SVIL: variants seen among roughly 807,000 people sequenced by gnomAD.
SVIL encodes archvillin.
SVIL carries 101 observed loss-of-function variants against 240.4 expected under a neutral mutation model. That is an observed-to-expected ratio of 0.42 (90% CI 0.36 to 0.50). The LOEUF (loss-of-function observed/expected upper bound fraction) is 0.50. SVIL is among the 20% of genes least tolerant of loss of function. The pLI is 0.01. For missense variants in SVIL, 2,512 were observed against 2,818.7 expected (o/e 0.89, Z 2.46); for synonymous variants, 999 against 1,100.0 (o/e 0.91, Z 1.82).
intron 1 of SVIL, among the ~76,000 whole-genome samples, chr10:29,587,410 A>G (rs1026868895): frequency 7.9e-5 from 12 of 152,226 alleles, no homozygotes; most frequent in Non-Finnish European, 2.9e-5. Context: ...GGTGGCTTAC[A>G]GGTCACCACT....
Position 29,648,086 on chromosome 10 carries a change from A to G in SVIL, c.-201+9883T>C, listed in dbSNP as rs143052587. Among the ~76,000 whole-genome samples, 280 of 151,486 alleles carry G rather than the reference A, an allele frequency of 1.8e-3. 2 individuals carry two copies. Among genetic ancestry groups the G allele is most frequent in the African/African-American group, 6.4e-3 (265 of 41,328 alleles). ...TAACTAGTTTTCTCAATGCAGCCAC[A>G]TGGAGTTAAGAAAACCCACAAGTCC... On this transcript the variant is annotated intron_variant, in intron 3 of 35. Transcript: ENST00000375400.
intron 16 of SVIL, among the ~76,000 whole-genome samples, chr10:29,518,726 G>T: frequency 6.6e-6 from 1 of 151,854 alleles, no homozygotes; most frequent in Non-Finnish European, 1.5e-5. Flanking sequence ...TATGGTGGTG[G>T]GCTCCTGTGA....
chr10:29,618,519 C>T lies in SVIL; in HGVS notation c.-201+15901G>A, dbSNP rs536139436. On this transcript the variant is annotated intron_variant, in intron 1 of 37. Coordinates refer to ENST00000355867, the MANE Select transcript of SVIL (RefSeq NM_021738.3). The stretch of plus-strand genomic sequence containing the variant: ...CTAAGCTCTGCTTCTCACACAGACC[C>T]ACCATGCCTGGCCCAGCCTGGACGC... 2.6e-5 allele frequency among the ~76,000 whole-genome samples: 4 copies of T among 152,292 alleles called. No homozygotes were observed. The East Asian group carries it at 5.8e-4, about 22-fold the overall frequency.
At chr10:29,615,180 A>G (rs1171753506) in intron 1 of SVIL, among the ~76,000 whole-genome samples, 2 of 152,168 alleles carry the variant, frequency 1.3e-5, no homozygotes, top group Non-Finnish European at 2.9e-5. Flanking sequence ...AACAGACCAA[A>G]CAATTGCTAT....
chr10:29,617,644 A>T (rs191239216), intron 1 of SVIL, among the ~76,000 whole-genome samples: 72 of 152,298 alleles, frequency 4.7e-4, no homozygotes, highest in Non-Finnish European at 8.8e-4. Flanking sequence ...ATCTCCACCA[A>T]GGATGCAGAT....
intron 2 of SVIL, among the ~76,000 whole-genome samples, chr10:29,675,269 G>A (rs1365515731): frequency 6.6e-6 from 1 of 152,138 alleles, no homozygotes; most frequent in African/African-American, 2.4e-5. Flanking sequence ...CAGGGCCAAG[G>A]TGGGAGGATC....
intron 29 of SVIL, among the ~76,000 whole-genome samples, chr10:29,478,967 A>G (rs557194157): frequency 2.0e-5 from 3 of 151,500 alleles, no homozygotes; most frequent in East Asian, 3.9e-4. Context: ...AAAGAGAGAA[A>G]GAAATGTCCC....
At chr10:29,696,518 C>G (rs1243909801) in intron 1 of SVIL, among the ~76,000 whole-genome samples, 1 of 115,450 alleles carries the variant, frequency 8.7e-6, no homozygotes, top group African/African-American at 2.9e-5. Context: ...AGCGCCTCGT[C>G]CCGGCCACCA....
intron 21 of SVIL, among the ~76,000 whole-genome samples, chr10:29,491,674 G>A (rs1004818163): frequency 6.6e-6 from 1 of 152,134 alleles, no homozygotes; most frequent in South Asian, 2.1e-4. Context: ...TGAGCAGACC[G>A]AGAGAAGCGA....
At chr10:29,705,708 A>T (rs930370991) in intron 1 of SVIL, among the ~76,000 whole-genome samples, 1 of 151,734 alleles carries the variant, frequency 6.6e-6, no homozygotes, top group Admixed American at 6.6e-5. Context: ...TCCTTGTTCA[A>T]CTCCTACTTA....
chr10:29,544,754 T>TAAAAAA (rs373279682), intron 6 of SVIL, among the ~76,000 whole-genome samples: 77 of 70,078 alleles, frequency 1.1e-3, no homozygotes, highest in Non-Finnish European at 1.3e-3. Context: ...AGACCTTTTC[T>TAAAAAA]AAAAAAAAAA....
At position 29,463,639 on chromosome 10, in the gene SVIL, T is replaced by C; in HGVS notation, c.6134-4A>G. 6.2e-7 allele frequency: 1 copy of C among 1,613,748 alleles called. No individual in the cohort carries two copies. The highest frequency in any genetic ancestry group is 8.5e-7 in the Non-Finnish European group (1 of 1,179,850). ...TGATTGTCAACAAGGAAAAGTGCTG[T>C]GAGGGCAGGGACAGGGCCAGACCAT... On this transcript the variant is annotated splice_polypyrimidine_tract_variant and splice_region_variant and intron_variant, in intron 34 of 37. Coordinates refer to ENST00000355867, the MANE Select transcript of SVIL (RefSeq NM_021738.3).
intron 1 of SVIL, among the ~76,000 whole-genome samples, chr10:29,593,448 C>G (rs1207249881): frequency 6.6e-6 from 1 of 152,176 alleles, no homozygotes; most frequent in Non-Finnish European, 1.5e-5. Context: ...GATTCCAGAC[C>G]AAGGGAAATC....
chr10:29,506,714 A>ACAGAGGCCC (rs1564535234), intron 17 of SVIL, among the ~76,000 whole-genome samples: 4 of 109,666 alleles, frequency 3.6e-5, no homozygotes, highest in African/African-American at 1.3e-4. Context: ...GAGGGAGGGG[A>ACAGAGGCCC]TAGAGACTCT....
chr10:29,548,157 G>A (rs1422210958), intron 6 of SVIL, among the ~76,000 whole-genome samples: 1 of 152,202 alleles, frequency 6.6e-6, no homozygotes, highest in Non-Finnish European at 1.5e-5. Flanking sequence ...TGTGGTGACA[G>A]GTCTTTGGGT....
rs1280433292 is a variant in SVIL, at chr10:29,735,651, G to C, written c.-400+100C>G. ...CCCGCAGCCAGAGCGAGACTGACCC[G>C]CGCCTCCCGCCCCGGAGCAGAGCGC... is the stretch of plus-strand genomic sequence containing the variant. On this transcript the variant is annotated intron_variant, in intron 1 of 35. Transcript: ENST00000375400. The surrounding 1 kb of genome is among the most constrained non-coding windows in gnomAD (Gnocchi z 4.1). The C allele has an allele frequency of 2.0e-5, 3 of 151,656 alleles. No individual in the cohort carries two copies. The highest frequency in any genetic ancestry group is 2.4e-5 in the African/African-American group (1 of 41,320). The allele number at this position is 151,656 out of a possible 1,614,324, so 9.4% of individuals were successfully genotyped here.
In SVIL at chr10:29,474,734, C is replaced by T. The variant is rs575489751; in HGVS notation, c.5378-745G>A. Among the ~76,000 whole-genome samples, 4 of 152,186 alleles carry T rather than the reference C, an allele frequency of 2.6e-5. No individual in the cohort carries two copies. In the South Asian group the frequency reaches 8.3e-4, roughly 31 times the overall value. ...ACACCACTCTTTGGCAAAAGAATAG[C>T]TGGTAGAGAAAAAATGTTAAAAACA... On this transcript the variant is annotated intron_variant, in intron 29 of 37. Transcript: ENST00000355867.
chr10:29,632,851 ACAC>A (rs1215476769), intron 1 of SVIL, among the ~76,000 whole-genome samples: 10 of 152,144 alleles, frequency 6.6e-5, no homozygotes, highest in African/African-American at 2.4e-4. Context: ...ACACACACAC[ACAC>A]ACACACACAG....
intron 3 of SVIL, among the ~76,000 whole-genome samples, chr10:29,645,233 T>C (rs950468699): frequency 2.6e-5 from 4 of 151,910 alleles, no homozygotes; most frequent in African/African-American, 9.7e-5. Flanking sequence ...CATAGCACCA[T>C]CTCACCTTCT....
Sources: allele counts gnomAD v4.1 joint callset (sites outside exome capture counted in the v4.1 genomes callset), GRCh38; gene constraint gnomAD v4.1.1; non-coding constraint Gnocchi (gnomAD v3.1); transcripts MANE v1.5; gene names NCBI Gene and HGNC (gene_info 2026-07-23, HGNC 2026-07-21).